Variants in TEX26 observed in about 807,000 individuals in gnomAD.
TEX26 encodes the protein testis expressed 26.
Under a neutral mutation model 35.3 loss-of-function variants are expected in TEX26, and 34 were observed. The ratio of observed to expected loss-of-function variants is 0.96; its 90% CI spans 0.73 to 1.28. The LOEUF (loss-of-function observed/expected upper bound fraction) is 1.28. Ranked by LOEUF, TEX26 falls within the 50% of genes most tolerant of loss-of-function variation. The pLI is 0.00. For synonymous variants in TEX26, 136 were observed against 111.8 expected, an observed-to-expected ratio of 1.22 and a Z score of -1.36; for missense variants, 371 against 330.1, an observed-to-expected ratio of 1.12 and a Z score of -0.96.
chr13:30,968,732 A>G (rs543390871), intron 5 of TEX26, among the ~76,000 whole-genome samples, 153 bp from the exon 6 acceptor site: 58 of 152,246 alleles, frequency 3.8e-4, no homozygotes, highest in Non-Finnish European at 7.8e-4. Flanking sequence ...GAATTTGTTT[A>G]ATACAGAGCC....
intron 2 of TEX26, among the ~76,000 whole-genome samples, chr13:30,944,647 T>G (rs942754952): frequency 1.3e-5 from 2 of 152,060 alleles, no homozygotes; most frequent in African/African-American, 4.8e-5. Flanking sequence ...TGTGTTACTA[T>G]TATCATTTAT....
intron 2 of TEX26, among the ~76,000 whole-genome samples, chr13:30,948,205 T>C (rs1356041087): frequency 6.6e-6 from 1 of 152,224 alleles, no homozygotes; most frequent in Non-Finnish European, 1.5e-5. Context: ...AACATACGTG[T>C]GCATGTGTCT....
chr13:30,936,092 A>C (rs55638855), intron 1 of TEX26, among the ~76,000 whole-genome samples: 2,972 of 152,338 alleles, frequency 0.02, 44 homozygotes, highest in African/African-American at 0.041. Flanking sequence ...AGGACATGGA[A>C]ATATCTTTTT....
intron 3 of TEX26, among the ~76,000 whole-genome samples, chr13:30,953,491 G>A (rs1020567538): frequency 3.9e-5 from 6 of 152,208 alleles, no homozygotes; most frequent in African/African-American, 1.4e-4. Flanking sequence ...GTCTGTGTGT[G>A]CATCCATTAA....
intron 2 of TEX26, among the ~76,000 whole-genome samples, chr13:30,940,348 T>TTTTTC: frequency 7.5e-6 from 1 of 132,502 alleles, no homozygotes; most frequent in Non-Finnish European, 1.6e-5. Context: ...TTTTTTTTTT[T>TTTTTC]TTTGAGACAG....
At chr13:30,972,966 G>T (rs76028745) in intron 6 of TEX26, among the ~76,000 whole-genome samples, 1 of 152,210 alleles carries the variant, frequency 6.6e-6, no homozygotes, top group Non-Finnish European at 1.5e-5. Context: ...TTGGAAACAG[G>T]TCTGGCAGCT....
At chr13:30,962,522 C>A (rs1234573384) in intron 4 of TEX26, among the ~76,000 whole-genome samples, 1 of 152,216 alleles carries the variant, frequency 6.6e-6, no homozygotes, top group Non-Finnish European at 1.5e-5. Flanking sequence ...TTCTTTGATC[C>A]TCCACCTTTG....
intron 2 of TEX26, among the ~76,000 whole-genome samples, chr13:30,952,213 G>C (rs551682441): frequency 6.6e-6 from 1 of 151,678 alleles, no homozygotes; most frequent in African/African-American, 2.4e-5. Context: ...CTCTTTTGGA[G>C]CTGTGAGTGG....
At chr13:30,966,079 G>A in intron 4 of TEX26, 143 bp from the exon 5 acceptor site, 1 of 806,302 alleles carries the variant, frequency 1.2e-6, no homozygotes, top group South Asian at 1.6e-5. Context: ...TATACTTCCT[G>A]TGACTGACAA....
chr13:30,944,458 G>T (rs1854953), intron 2 of TEX26, among the ~76,000 whole-genome samples: 4 of 150,844 alleles, frequency 2.7e-5, no homozygotes, highest in African/African-American at 9.7e-5. Flanking sequence ...GTTCTTCTCC[G>T]ATCTTATTTC....
At chr13:30,937,557 T>C (rs1953321180) in intron 1 of TEX26, among the ~76,000 whole-genome samples, 1 of 152,250 alleles carries the variant, frequency 6.6e-6, no homozygotes, top group African/African-American at 2.4e-5. Flanking sequence ...CTTTTACTTG[T>C]TCATACTTGT....
At chr13:30,960,571 C>G (rs1010773660) in intron 4 of TEX26, among the ~76,000 whole-genome samples, 5 of 152,144 alleles carry the variant, frequency 3.3e-5, no homozygotes, top group African/African-American at 7.2e-5. Flanking sequence ...TTTAATCTAG[C>G]TCTTCATTAA....
intron 3 of TEX26, 73 bp from the exon 4 acceptor site, chr13:30,956,800 C>T (rs750740450): frequency 5.2e-6 from 7 of 1,356,716 alleles, no homozygotes; most frequent in Non-Finnish European, 7.3e-6. Context: ...TATGTGCACA[C>T]AGACACTCAG....
chr13:30,940,322 C>CTTTTTTTTTTTTTTTT lies in TEX26; in HGVS notation c.146+558_146+573dup, dbSNP rs869246492. 3.1e-4 allele frequency among the ~76,000 whole-genome samples: 16 copies of CTTTTTTTTTTTTTTTT among 52,076 alleles called. 5 individuals are homozygous for CTTTTTTTTTTTTTTTT. Among genetic ancestry groups the CTTTTTTTTTTTTTTTT allele is most frequent in the Non-Finnish European group, 3.7e-4 (11 of 29,742 alleles). 34.2% of individuals were successfully genotyped at this position (52,076 alleles called of 152,430 possible). On this transcript the variant is annotated intron_variant, in intron 2 of 6. Transcript: ENST00000380473. ...GTGGGAGTTTCTAAACATCAGCTGC[C>CTTTTTTTTTTTTTTTT]TTTTTTTTTTTTTTTTTTTTTTTTT...
chr13:30,944,982 G>C (rs1953649851), intron 2 of TEX26, among the ~76,000 whole-genome samples: 1 of 151,948 alleles, frequency 6.6e-6, no homozygotes, highest in Non-Finnish European at 1.5e-5. Context: ...TGTAGTTTAA[G>C]TCCATTCTTT....
intron 4 of TEX26, among the ~76,000 whole-genome samples, chr13:30,964,099 T>G (rs1954444322): frequency 6.6e-6 from 1 of 152,236 alleles, no homozygotes; most frequent in Admixed American, 6.5e-5. Context: ...TTACTGTGAC[T>G]GCCTTTTCGT....
At chr13:30,963,966 C>T (rs1189361402) in intron 4 of TEX26, among the ~76,000 whole-genome samples, 1 of 152,172 alleles carries the variant, frequency 6.6e-6, no homozygotes, top group African/African-American at 2.4e-5. Flanking sequence ...CAGCTTGCCT[C>T]TCCTATTTCA....
intron 5 of TEX26, 62 bp downstream of exon 5, chr13:30,966,460 G>A (rs574914902): frequency 1.9e-5 from 24 of 1,230,820 alleles, no homozygotes; most frequent in East Asian, 1.3e-4. Context: ...TTTTTGAGAC[G>A]GAGTTTCCCT....
rs1953513246 is a variant in TEX26, at chr13:30,941,578, AG to A, written c.146+1803del. Among the ~76,000 whole-genome samples, 4 of 152,274 alleles carry A rather than the reference AG, an allele frequency of 2.6e-5. No individual in the cohort carries two copies. The South Asian group carries it at 8.3e-4, about 32-fold the overall frequency. On this transcript the variant is annotated intron_variant, in intron 2 of 6. Coordinates refer to ENST00000380473, the MANE Select transcript of TEX26 (RefSeq NM_152325.3). ...GCATAATGGTGAGATCTGAGATTTT[AG>A]GGTACCCGTAACTAAAGTAGTGTAC... is the stretch of plus-strand genomic sequence containing the variant.
Sources: allele counts gnomAD v4.1 joint callset (sites outside exome capture counted in the v4.1 genomes callset), GRCh38; gene constraint gnomAD v4.1.1; transcripts MANE v1.5; gene names NCBI Gene and HGNC (gene_info 2026-07-23, HGNC 2026-07-21).